STARD13: variants seen among roughly 807,000 people sequenced by gnomAD.
STARD13 encodes StAR related lipid transfer domain containing 13, also known as stAR-related lipid transfer protein 13.
STARD13 carries 62 observed loss-of-function variants against 106.4 expected under a neutral mutation model. That is an observed-to-expected ratio of 0.58 (90% CI 0.48 to 0.72). The LOEUF (loss-of-function observed/expected upper bound fraction) is 0.72. Ranked by LOEUF, STARD13 falls within the 30% of genes least tolerant of loss-of-function variation. The probability of loss-of-function intolerance (pLI) is 0.00; values close to 1 mark genes in which losing one functional copy is unlikely to be tolerated. For synonymous variants in STARD13, 565 were observed against 553.0 expected, an observed-to-expected ratio of 1.02 and a Z score of -0.31; for missense variants, 1,387 against 1,424.0, an observed-to-expected ratio of 0.97 and a Z score of 0.42.
intron 1 of STARD13, among the ~76,000 whole-genome samples, chr13:33,325,159 T>C (rs752619831): frequency 4.5e-4 from 68 of 152,018 alleles, no homozygotes; most frequent in Non-Finnish European, 6.9e-4. Flanking sequence ...CTTGTCATTT[T>C]CCCCCCAAAT....
chr13:33,534,666 A>G, the STARD13 span, among the ~76,000 whole-genome samples: 1 of 152,230 alleles, frequency 6.6e-6, no homozygotes, highest in Non-Finnish European at 1.5e-5. Flanking sequence ...AAATGATTAT[A>G]GAACATTTCA....
intron 1 of STARD13, among the ~76,000 whole-genome samples, chr13:33,249,626 C>A (rs1332913416): frequency 6.6e-6 from 1 of 152,154 alleles, no homozygotes; most frequent in East Asian, 1.9e-4. Flanking sequence ...AACTAAGCCT[C>A]AGAGAGTGTT....
chr13:33,525,183 G>A, the STARD13 span, among the ~76,000 whole-genome samples: 1 of 151,658 alleles, frequency 6.6e-6, no homozygotes, highest in South Asian at 2.1e-4. Context: ...CATTATACCT[G>A]GCTACATTTT....
chr13:33,345,044 T>C (rs1000064004), downstream of STARD13, among the ~76,000 whole-genome samples: 6 of 152,152 alleles, frequency 3.9e-5, no homozygotes, highest in African/African-American at 1.4e-4. Context: ...CCAGCAGTGG[T>C]TGATTAGGGA....
At chr13:33,295,187 A>G (rs1341400930) in intron 1 of STARD13, among the ~76,000 whole-genome samples, 2 of 152,330 alleles carry the variant, frequency 1.3e-5, no homozygotes, top group Admixed American at 6.5e-5. Flanking sequence ...TTCCTTCCAT[A>G]TTCCTAATAT....
At chr13:33,189,232 G>T (rs1886026016) in intron 1 of STARD13, among the ~76,000 whole-genome samples, 1 of 151,660 alleles carries the variant, frequency 6.6e-6, no homozygotes, top group Non-Finnish European at 1.5e-5. Context: ...TTTATAATTT[G>T]GTTAGAATCT....
the STARD13 span, among the ~76,000 whole-genome samples, chr13:33,424,676 G>T: frequency 6.6e-6 from 1 of 152,100 alleles, no homozygotes; most frequent in African/African-American, 2.4e-5. Flanking sequence ...CGATTTTTTA[G>T]AATCTTTAAT....
At chr13:33,276,551 C>T (rs1891444313) in intron 1 of STARD13, 1 of 152,104 alleles carries the variant, frequency 6.6e-6, no homozygotes, top group Non-Finnish European at 1.5e-5. Flanking sequence ...TATGACTATA[C>T]ATACTTTTTG....
chr13:33,430,560 A>G, the STARD13 span, among the ~76,000 whole-genome samples: 584 of 152,340 alleles, frequency 3.8e-3, 8 homozygotes, highest in African/African-American at 0.014. Flanking sequence ...TGATCCACCA[A>G]TTCTACCACT....
chr13:33,557,551 G>A, the STARD13 span, among the ~76,000 whole-genome samples: 14 of 152,156 alleles, frequency 9.2e-5, no homozygotes, highest in South Asian at 2.1e-4. Context: ...ATTATTTGCC[G>A]TATTTCCTGC....
Position 33,126,186 on chromosome 13 carries a change from A to T in STARD13, c.1977T>A (p.Ala659=). ...GGACTATGAGAGGAACGCCAAAGAC[A>T]GCCTTGTCTTTGTAGTCGGGAACTT... is the stretch of plus-strand genomic sequence containing the variant. ...RMKVPDYKDK[A]VFGVPLIVHV... is the part of the protein sequence containing the mutation. Residue 659 remains alanine, a synonymous_variant, in exon 7 of 14, where the codon GCT becomes GCA. Transcript: ENST00000336934. The T allele has an allele frequency of 6.2e-7, 1 of 1,614,226 alleles. No individual in the cohort carries two copies. Among genetic ancestry groups the T allele is most frequent in the South Asian group, 1.1e-5 (1 of 91,082 alleles).
chr13:33,287,729 C>T (rs549057465), upstream of STARD13, among the ~76,000 whole-genome samples: 5 of 152,258 alleles, frequency 3.3e-5, no homozygotes, highest in South Asian at 4.1e-4. Flanking sequence ...CACGTGCTTT[C>T]GGCTTGATGG....
the STARD13 span, among the ~76,000 whole-genome samples, chr13:33,640,002 TA>T: frequency 6.6e-6 from 1 of 152,218 alleles, no homozygotes; most frequent in Non-Finnish European, 1.5e-5. Context: ...GGAGACCTTC[TA>T]GGGGAATTTG....
intron 3 of STARD13, among the ~76,000 whole-genome samples, chr13:33,161,525 G>A (rs1456064591): frequency 6.6e-6 from 1 of 152,064 alleles, no homozygotes; most frequent in Non-Finnish European, 1.5e-5. Context: ...GTGTTGCCCA[G>A]GCTGGTCTCA....
intron 1 of STARD13, among the ~76,000 whole-genome samples, chr13:33,247,746 C>A (rs970945767): frequency 6.6e-6 from 1 of 152,192 alleles, no homozygotes; most frequent in Non-Finnish European, 1.5e-5. Flanking sequence ...GATTCACTCA[C>A]TCTACTGCTA....
the STARD13 span, among the ~76,000 whole-genome samples, chr13:33,662,894 T>C: frequency 2.0e-5 from 3 of 152,216 alleles, no homozygotes; most frequent in Non-Finnish European, 4.4e-5. Flanking sequence ...TTGGTTTCCA[T>C]AGCAGTAAAC....
At chr13:33,329,655 ATGTGTGTGTG>A (rs34427794) in intron 1 of STARD13, among the ~76,000 whole-genome samples, 1 of 144,250 alleles carries the variant, frequency 6.9e-6, no homozygotes, top group Non-Finnish European at 1.5e-5. Flanking sequence ...GTGTGTGTGT[ATGTGTGTGTG>A]TGTGTGTGTG....
chr13:33,136,219 T>A (rs1245163602), intron 4 of STARD13, among the ~76,000 whole-genome samples: 1 of 152,220 alleles, frequency 6.6e-6, no homozygotes. Context: ...TCTTTTAAAG[T>A]AAACTTTTTG....
chr13:33,254,455 G>C (rs547779448), intron 1 of STARD13, among the ~76,000 whole-genome samples: 1 of 152,190 alleles, frequency 6.6e-6, no homozygotes, highest in Non-Finnish European at 1.5e-5. Flanking sequence ...TCTAGCATTT[G>C]AAAGTATTCT....
Sources: allele counts gnomAD v4.1 joint callset (sites outside exome capture counted in the v4.1 genomes callset), GRCh38; gene constraint gnomAD v4.1.1; transcripts MANE v1.5; gene names NCBI Gene and HGNC (gene_info 2026-07-23, HGNC 2026-07-21).